The following TASP1 variants were observed in gnomAD, a reference collection of about 807,000 sequenced individuals.
TASP1 encodes the protein taspase 1.
In TASP1, 16 loss-of-function variants were observed where a neutral mutation model predicts 56.6. The ratio of observed to expected loss-of-function variants is 0.28; its 90% CI spans 0.19 to 0.43. The LOEUF is 0.43. Ranked by LOEUF, TASP1 falls within the 20% of genes least tolerant of loss-of-function variation. TASP1 has a pLI of 1.00. For missense variants in TASP1, 393 were observed against 511.6 expected, an observed-to-expected ratio of 0.77 and a Z score of 2.24; for synonymous variants, 179 against 184.2, an observed-to-expected ratio of 0.97 and a Z score of 0.23.
chr20:13,474,333 T>C (rs968958504), intron 11 of TASP1, among the ~76,000 whole-genome samples: 2 of 152,216 alleles, frequency 1.3e-5, no homozygotes, highest in African/African-American at 4.8e-5. Flanking sequence ...ATCACTCTTA[T>C]GCCTTTGTGT....
the TASP1 span, among the ~76,000 whole-genome samples, chr20:13,179,289 A>G: frequency 6.6e-6 from 1 of 152,172 alleles, no homozygotes; most frequent in Non-Finnish European, 1.5e-5. Context: ...GTATCTATTG[A>G]CATTGAGAGT....
intron 10 of TASP1, among the ~76,000 whole-genome samples, chr20:13,488,043 A>G (rs949145855): frequency 1.3e-5 from 2 of 152,162 alleles, no homozygotes; most frequent in African/African-American, 4.8e-5. Context: ...AATGATAAAG[A>G]GAAAGAAAAT....
chr20:13,132,317 C>T, the TASP1 span, among the ~76,000 whole-genome samples: 3 of 151,502 alleles, frequency 2.0e-5, no homozygotes, highest in African/African-American at 4.9e-5. Context: ...GCTGGGACTA[C>T]AGGAACCCAC....
intron 10 of TASP1, among the ~76,000 whole-genome samples, chr20:13,500,783 C>T (rs1295086219): frequency 6.6e-6 from 1 of 151,908 alleles, no homozygotes; most frequent in Admixed American, 6.6e-5. Context: ...AGAACAATAT[C>T]GAATGCATAT....
At chr20:13,109,090 C>T in the TASP1 span, among the ~76,000 whole-genome samples, 3 of 152,294 alleles carry the variant, frequency 2.0e-5, no homozygotes, top group South Asian at 4.1e-4. Flanking sequence ...AAATAATACA[C>T]ACACATGTAC....
the TASP1 span, among the ~76,000 whole-genome samples, chr20:13,372,666 A>C: frequency 7.9e-5 from 12 of 151,620 alleles, 1 homozygote; most frequent in Admixed American, 5.9e-4. Context: ...TTGCCATTTA[A>C]TTGTTTTCTA....
chr20:13,527,286 C>A (rs1053062437), intron 10 of TASP1, among the ~76,000 whole-genome samples: 3 of 152,104 alleles, frequency 2.0e-5, no homozygotes, highest in Admixed American at 6.6e-5. Flanking sequence ...AAGAGGGCTA[C>A]TGGACTGGGT....
chr20:13,590,300 C>A (rs531922628), intron 4 of TASP1, among the ~76,000 whole-genome samples: 4 of 152,168 alleles, frequency 2.6e-5, no homozygotes. Context: ...AAACCCACAA[C>A]AAAATACTAC....
intron 11 of TASP1, among the ~76,000 whole-genome samples, chr20:13,468,512 A>C (rs149582043): frequency 2.8e-4 from 43 of 152,308 alleles, no homozygotes; most frequent in African/African-American, 9.9e-4. Flanking sequence ...AATGAGGGGA[A>C]GCAACTTCAC....
At chr20:13,185,459 C>A in the TASP1 span, among the ~76,000 whole-genome samples, 1 of 152,182 alleles carries the variant, frequency 6.6e-6, no homozygotes, top group African/African-American at 2.4e-5. Context: ...TCCCAGCTCA[C>A]CACTACCTCT....
chr20:13,109,989 T>G, the TASP1 span: 1 of 724,684 alleles, frequency 1.4e-6, no homozygotes, highest in Non-Finnish European at 2.2e-6. Context: ...GGTTCTCTGA[T>G]TCTGAATTTG....
At chr20:13,319,100 G>A in the TASP1 span, among the ~76,000 whole-genome samples, 1 of 152,286 alleles carries the variant, frequency 6.6e-6, no homozygotes, top group African/African-American at 2.4e-5. Context: ...TAGTCAGAGA[G>A]AGTATGTCTC....
At chr20:13,618,337 C>T (rs544887831) in intron 4 of TASP1, among the ~76,000 whole-genome samples, 3 of 152,076 alleles carry the variant, frequency 2.0e-5, no homozygotes, top group East Asian at 3.9e-4. Flanking sequence ...CATTTGAACC[C>T]GGGAGGTGGA....
At chr20:13,550,230 A>AC (rs1316676316) in intron 8 of TASP1, among the ~76,000 whole-genome samples, 1 of 151,698 alleles carries the variant, frequency 6.6e-6, no homozygotes, top group Non-Finnish European at 1.5e-5. Context: ...AAAGTTTTAG[A>AC]CTCAGATATT....
intron 8 of TASP1, among the ~76,000 whole-genome samples, chr20:13,545,634 T>C (rs1239190544): frequency 4.2e-5 from 6 of 144,248 alleles, no homozygotes; most frequent in Admixed American, 2.9e-4. Flanking sequence ...AAGTGTAGTT[T>C]GGTGTTACAC....
the TASP1 span, among the ~76,000 whole-genome samples, chr20:13,119,163 T>C: frequency 6.6e-6 from 1 of 152,244 alleles, no homozygotes; most frequent in African/African-American, 2.4e-5. Flanking sequence ...TGTGAGCTTG[T>C]GGTTTTGTGA....
the TASP1 span, among the ~76,000 whole-genome samples, chr20:13,181,403 A>G: frequency 6.6e-6 from 1 of 152,050 alleles, no homozygotes; most frequent in East Asian, 1.9e-4. Flanking sequence ...TGGCACCCAA[A>G]TCCTTGTCCC....
intron 11 of TASP1, among the ~76,000 whole-genome samples, chr20:13,456,837 T>A (rs1271832873): frequency 6.6e-6 from 1 of 151,880 alleles, no homozygotes; most frequent in Non-Finnish European, 1.5e-5. Context: ...AGAAAAGAAC[T>A]AAATACAAAA....
At chr20:13,449,569 G>T (rs2043539636) in intron 11 of TASP1, among the ~76,000 whole-genome samples, 1 of 152,024 alleles carries the variant, frequency 6.6e-6, no homozygotes, top group Admixed American at 6.6e-5. Context: ...CTATTTTATT[G>T]TGACAACAAT....
Sources: gnomAD v4.1 joint callset for allele counts (sites outside exome capture counted in the v4.1 genomes callset) on GRCh38, gnomAD v4.1.1 for gene constraint, MANE v1.5 for transcripts, NCBI Gene and HGNC (gene_info 2026-07-23, HGNC 2026-07-21) for gene names.